Variants in PHF2 observed in about 807,000 individuals in gnomAD.
The protein encoded by PHF2 is lysine-specific demethylase PHF2.
In PHF2, 27 loss-of-function variants were observed where a neutral mutation model predicts 120.5. The ratio of observed to expected loss-of-function variants is 0.22; its 90% CI spans 0.17 to 0.31. The LOEUF is 0.31. Ranked by LOEUF, PHF2 falls within the 10% of genes least tolerant of loss-of-function variation. The probability of loss-of-function intolerance (pLI) is 1.00; values close to 1 mark genes in which losing one functional copy is unlikely to be tolerated. For missense variants in PHF2, 1,024 were observed against 1,434.8 expected, an observed-to-expected ratio of 0.71 and a Z score of 4.63; for synonymous variants, 568 against 592.5, an observed-to-expected ratio of 0.96 and a Z score of 0.60.
chr9:93,608,205 C>G (rs1825576346), intron 1 of PHF2, among the ~76,000 whole-genome samples: 1 of 152,082 alleles, frequency 6.6e-6, no homozygotes, highest in African/African-American at 2.4e-5. Flanking sequence ...ATCCTGTAAT[C>G]CTAGCTACTC....
intron 1 of PHF2, among the ~76,000 whole-genome samples, chr9:93,581,956 A>G (rs562161737): frequency 8.5e-5 from 13 of 152,294 alleles, no homozygotes; most frequent in African/African-American, 2.6e-4. Flanking sequence ...GGTGTGGGTA[A>G]AACAAAGTCC....
intron 1 of PHF2, among the ~76,000 whole-genome samples, chr9:93,601,119 T>C (rs1825430979): frequency 6.6e-6 from 1 of 152,190 alleles, no homozygotes; most frequent in African/African-American, 2.4e-5. Flanking sequence ...TTACATCCCC[T>C]AGGAGAAAAA....
rs982663271 is a variant in PHF2, at chr9:93,663,498, C to T, written c.1819-19C>T. 2.6e-6 allele frequency: 4 copies of T among 1,518,434 alleles called. No homozygotes were observed. The highest frequency in any genetic ancestry group is 3.6e-6 in the Non-Finnish European group (4 of 1,096,444). 94.1% of individuals were successfully genotyped at this position (1,518,434 alleles called of 1,614,324 possible). A position where few individuals can be genotyped will look rare whatever the true frequency, so the allele number is the denominator to read the frequency against. The stretch of plus-strand genomic sequence containing the variant: ...ACTTCTGTGTGGGGCTCAGGGACGG[C>T]CCTGGTCTTGCTTTTCAGAACAGCA... On this transcript the variant is annotated intron_variant, in intron 13 of 21. Transcript: ENST00000359246.
intron 1 of PHF2, among the ~76,000 whole-genome samples, chr9:93,618,109 G>A (rs1825756822): frequency 6.6e-6 from 1 of 152,190 alleles, no homozygotes; most frequent in Non-Finnish European, 1.5e-5. Context: ...TTGGGCTTTG[G>A]GCACTAAATT....
In PHF2 at chr9:93,654,560, C is replaced by A. The variant is rs762837523; in HGVS notation, c.937C>A (p.Leu313Ile). 2 of 1,613,652 alleles carry A rather than the reference C, an allele frequency of 1.2e-6. No individual in the cohort carries two copies. Among genetic ancestry groups the A allele is most frequent in the African/African-American group, 2.7e-5 (2 of 74,940 alleles). ...GTGCATCGTCAAGCAGGGCCAGACC[C>A]TCTTCATCCCCTCAGGTGAGTGCGG... ...YKCIVKQGQT[L>I]FIPSGWIYAT... The change falls in exon 7 of 22, where the codon CTC (leucine) becomes ATC (isoleucine). Residue 313 changes from leucine (L) to isoleucine (I), a missense_variant. Physicochemically the swap from Leu to Ile is conservative, Grantham distance 5. Coordinates refer to ENST00000359246, the MANE Select transcript of PHF2 (RefSeq NM_005392.4).
intron 3 of PHF2, among the ~76,000 whole-genome samples, chr9:93,637,763 A>G (rs1826116730): frequency 6.6e-6 from 1 of 152,220 alleles, no homozygotes; most frequent in Non-Finnish European, 1.5e-5. Flanking sequence ...ACATTTTTAT[A>G]CAAGTTTTTA....
At position 93,672,093 on chromosome 9, in the gene PHF2, T is replaced by C. The variant is rs532648079; in HGVS notation, c.2349-1492T>C. ...ACAGGTGTAGATGCAGGTGTGGGTG[T>C]GGATGTAGGTACAGGTGTAGATGCA... On this transcript the variant is annotated intron_variant, in intron 17 of 21. Transcript: ENST00000359246. Among the ~76,000 whole-genome samples, 11 of 113,972 alleles carry C rather than the reference T, an allele frequency of 9.7e-5. No homozygotes were observed. In the East Asian group the frequency reaches 1.8e-3, roughly 19 times the overall value. 74.8% of individuals were successfully genotyped at this position (113,972 alleles called of 152,430 possible). A position where few individuals can be genotyped will look rare whatever the true frequency, so the allele number is the denominator to read the frequency against.
chr9:93,651,033 C>G (rs1370192734), intron 5 of PHF2, among the ~76,000 whole-genome samples: 2 of 150,140 alleles, frequency 1.3e-5, no homozygotes, highest in Non-Finnish European at 2.9e-5. Context: ...AGGAGGATCA[C>G]TTGAGGCCAA....
chr9:93,658,348 G>T (rs1826496864), intron 10 of PHF2, 112 bp downstream of exon 10: 1 of 848,136 alleles, frequency 1.2e-6, no homozygotes, highest in Admixed American at 2.1e-5. Context: ...GTGAGATCCA[G>T]CCTGGGAAGG....
chr9:93,600,522 T>C (rs1825420729), intron 1 of PHF2, among the ~76,000 whole-genome samples: 1 of 152,192 alleles, frequency 6.6e-6, no homozygotes, highest in Non-Finnish European at 1.5e-5. Flanking sequence ...TGGGACAGCT[T>C]TGCAATTCAG....
intron 1 of PHF2, among the ~76,000 whole-genome samples, chr9:93,612,519 T>C (rs1825653787): frequency 6.6e-6 from 1 of 152,240 alleles, no homozygotes; most frequent in African/African-American, 2.4e-5. Flanking sequence ...GCAGTTTGTG[T>C]GGCCTTTTAT....
chr9:93,607,036 A>G (rs976066267), intron 1 of PHF2, among the ~76,000 whole-genome samples: 7 of 152,054 alleles, frequency 4.6e-5, no homozygotes, highest in African/African-American at 1.7e-4. Flanking sequence ...CTGGCTCTGT[A>G]TTCTGTCCCA....
chr9:93,654,928 C>T (rs902513459), intron 7 of PHF2, among the ~76,000 whole-genome samples: 73 of 152,166 alleles, frequency 4.8e-4, no homozygotes, highest in African/African-American at 1.4e-3. Context: ...TGGCTGGAGA[C>T]CCAGCTCAGA....
chr9:93,608,613 C>A (rs924944427), intron 1 of PHF2, among the ~76,000 whole-genome samples: 23 of 152,150 alleles, frequency 1.5e-4, no homozygotes, highest in African/African-American at 5.3e-4. Flanking sequence ...TATTCAATTT[C>A]TTTAATAGTT....
intron 1 of PHF2, among the ~76,000 whole-genome samples, chr9:93,580,122 A>C (rs1862906113): frequency 6.6e-6 from 1 of 152,098 alleles, no homozygotes; most frequent in African/African-American, 2.4e-5. Flanking sequence ...GTGTCCCTTC[A>C]CCAAGTTCTC....
intron 7 of PHF2, 43 bp downstream of exon 7, chr9:93,654,618 G>A (rs747191048): frequency 5.4e-5 from 86 of 1,585,652 alleles, no homozygotes; most frequent in Non-Finnish European, 6.8e-5. Context: ...AGGGCTTGCC[G>A]GCCCTCATCA....
At chr9:93,630,107 C>T in intron 2 of PHF2, 52 bp downstream of exon 2, 1 of 1,563,886 alleles carries the variant, frequency 6.4e-7, no homozygotes, top group African/African-American at 1.4e-5. Context: ...GCAGCATCCA[C>T]CCTGCCTGGG....
At chr9:93,583,023 T>C (rs777392993) in intron 1 of PHF2, among the ~76,000 whole-genome samples, 1 of 152,198 alleles carries the variant, frequency 6.6e-6, no homozygotes, top group East Asian at 1.9e-4. Context: ...TCTTCCTCAC[T>C]CCTAAAGTAA....
chr9:93,585,497 A>C (rs192025585), intron 1 of PHF2, among the ~76,000 whole-genome samples: 5 of 152,368 alleles, frequency 3.3e-5, no homozygotes, highest in East Asian at 3.9e-4. Context: ...ATCTCCATGC[A>C]TTAAGTGGAT....
Sources: gnomAD v4.1 joint callset for allele counts (sites outside exome capture counted in the v4.1 genomes callset) on GRCh38, gnomAD v4.1.1 for gene constraint, MANE v1.5 for transcripts, NCBI Gene and HGNC (gene_info 2026-07-23, HGNC 2026-07-21) for gene names.